The following MAST4 variants were observed in gnomAD, a reference collection of about 807,000 sequenced individuals.
The protein encoded by MAST4 is microtubule-associated serine/threonine-protein kinase 4.
MAST4 carries 89 observed loss-of-function variants against 162.7 expected under a neutral mutation model. That is an observed-to-expected ratio of 0.55 (90% confidence interval 0.46 to 0.65). The LOEUF is 0.65. MAST4 is among the 30% of genes least tolerant of loss of function. MAST4 has a pLI of 0.00. For synonymous variants in MAST4, 1,479 were observed against 1,361.1 expected, an observed-to-expected ratio of 1.09 and a Z score of -1.91; for missense variants, 3,153 against 3,374.0, an observed-to-expected ratio of 0.93 and a Z score of 1.62.
rs370940976 is a variant in MAST4 at position 66,959,278 on chromosome 5, C to T, written c.674+59296C>T. On this transcript the variant is annotated intron_variant, in intron 4 of 28. Transcript: ENST00000403625. The stretch of plus-strand genomic sequence containing the variant: ...AGCCCAGCGGGAAAGGCTACAGATT[C>T]CGGGGCTGACCTTGGAGTAAGTATT... 4 of 779,610 alleles carry T rather than the reference C, an allele frequency of 5.1e-6. No individual in the cohort carries two copies. In the African/African-American group the frequency reaches 6.8e-5, roughly 13 times the overall value. The allele number at this position is 779,610 out of a possible 1,614,324, so 48.3% of individuals were successfully genotyped here. A position where few individuals can be genotyped will look rare whatever the true frequency, so the allele number is the denominator to read the frequency against.
chr5:66,855,756 G>A lies in MAST4; in HGVS notation c.643-44195G>A, dbSNP rs191314959. Among the ~76,000 whole-genome samples the A allele has an allele frequency of 1.6e-4, 24 of 152,306 alleles. No individual in the cohort carries two copies. In the East Asian group the frequency reaches 4.4e-3, roughly 28 times the overall value. The stretch of plus-strand genomic sequence containing the variant: ...GCACCACCAGCTCCTGTGCTCATTG[G>A]TTGATGGTTGTTCTCCCAGGGGAAT... On this transcript the variant is annotated intron_variant, in intron 3 of 28. Coordinates refer to ENST00000403625, the MANE Select transcript of MAST4 (RefSeq NM_001164664.2).
At chr5:66,779,365 C>T (rs1464630166) in intron 2 of MAST4, among the ~76,000 whole-genome samples, 1 of 146,568 alleles carries the variant, frequency 6.8e-6, no homozygotes, top group Non-Finnish European at 1.5e-5. Context: ...CTGCTTTGGA[C>T]TTCCCTTGTG....
intron 4 of MAST4, among the ~76,000 whole-genome samples, chr5:66,912,911 C>T (rs1409260699): frequency 2.6e-5 from 4 of 152,114 alleles, no homozygotes; most frequent in Non-Finnish European, 4.4e-5. Context: ...TTAATATCAT[C>T]TAGGCTGTAT....
intron 3 of MAST4, among the ~76,000 whole-genome samples, chr5:66,844,895 G>T (rs972287203): frequency 1.3e-5 from 2 of 151,612 alleles, no homozygotes; most frequent in Non-Finnish European, 2.9e-5. Flanking sequence ...AGATCCAATA[G>T]ATAAGAAGGA....
At chr5:67,140,016 G>T (rs1770164612) in intron 19 of MAST4, among the ~76,000 whole-genome samples, 1 of 152,244 alleles carries the variant, frequency 6.6e-6, no homozygotes, top group African/African-American at 2.4e-5. Flanking sequence ...AGGATAGCAG[G>T]CAGGGGGTAA....
intron 1 of MAST4, among the ~76,000 whole-genome samples, chr5:66,693,799 CTG>C (rs1490757792): frequency 1.3e-5 from 2 of 149,876 alleles, no homozygotes; most frequent in African/African-American, 4.9e-5. Flanking sequence ...GCAAAAAAAA[CTG>C]TAAGTGTACA....
rs536296805 is a variant in MAST4, at chr5:66,881,781, T to A, written c.643-18170T>A. Among the ~76,000 whole-genome samples, 3 of 152,352 alleles carry A rather than the reference T, an allele frequency of 2.0e-5. No individual in the cohort carries two copies. The East Asian group carries it at 5.8e-4, about 29-fold the overall frequency. On this transcript the variant is annotated intron_variant, in intron 3 of 28. Transcript: ENST00000403625. ...TTGGCTTCTATTTATGAAGAACTACTGAAATTATCCCTTTACCTTTAGGGA... is the reference window on the plus strand; with the variant it reads ...TTGGCTTCTATTTATGAAGAACTACAGAAATTATCCCTTTACCTTTAGGGA...
intron 4 of MAST4, among the ~76,000 whole-genome samples, chr5:67,017,632 C>G (rs531943773): frequency 8.4e-4 from 117 of 139,650 alleles, no homozygotes; most frequent in African/African-American, 2.9e-3. Flanking sequence ...GAGACAGACT[C>G]TCACCCTGTC....
intron 4 of MAST4, among the ~76,000 whole-genome samples, chr5:66,925,387 T>C (rs544531929): frequency 1.3e-5 from 2 of 152,324 alleles, no homozygotes; most frequent in Admixed American, 6.5e-5. Context: ...TTGTTTAGGT[T>C]CAGGAAAGCT....
At chr5:66,773,238 AT>A (rs1754439673) in intron 2 of MAST4, among the ~76,000 whole-genome samples, 3 of 152,364 alleles carry the variant, frequency 2.0e-5, no homozygotes, top group Admixed American at 2.0e-4. Flanking sequence ...TTTCTGATAT[AT>A]TAATGACTTT....
intron 4 of MAST4, among the ~76,000 whole-genome samples, chr5:66,986,271 G>A (rs1349970689): frequency 6.6e-6 from 1 of 152,186 alleles, no homozygotes; most frequent in Non-Finnish European, 1.5e-5. Flanking sequence ...GGGCAAGGAA[G>A]AAGTGTTAAG....
In MAST4 at chr5:66,917,050, C is replaced by T. The variant is rs79632589; in HGVS notation, c.674+17068C>T. 2,708 of 717,648 alleles carry T rather than the reference C, an allele frequency of 3.8e-3. 51 individuals carry two copies. The African/African-American group carries it at 0.04, about 11-fold the overall frequency. The allele number at this position is 717,648 out of a possible 1,614,324, so 44.5% of individuals were successfully genotyped here. ...GTATTTCTAATTTTAATAGCTATCA[C>T]TTTACCCAAAAGAATAGAAAATCAC... On this transcript the variant is annotated intron_variant, in intron 4 of 28. Coordinates refer to ENST00000403625, the MANE Select transcript of MAST4 (RefSeq NM_001164664.2).
At chr5:66,896,401 C>A (rs1021869864) in intron 3 of MAST4, among the ~76,000 whole-genome samples, 1 of 152,098 alleles carries the variant, frequency 6.6e-6, no homozygotes, top group South Asian at 2.1e-4. Flanking sequence ...CTGTGGGTTT[C>A]CCTACTATAA....
chr5:66,633,818 C>G (rs1744934820), intron 1 of MAST4, among the ~76,000 whole-genome samples: 1 of 152,114 alleles, frequency 6.6e-6, no homozygotes. Context: ...TTCAGCCTAC[C>G]AGACAGCTGA....
chr5:66,898,486 TTTCTC>T (rs1164772444), intron 3 of MAST4, among the ~76,000 whole-genome samples: 1 of 129,510 alleles, frequency 7.7e-6, no homozygotes, highest in African/African-American at 2.6e-5. Flanking sequence ...GTCAGAGACT[TTTCTC>T]TTGTCATTAG....
At chr5:67,085,720 C>G (rs1484222560) in intron 5 of MAST4, among the ~76,000 whole-genome samples, 1 of 152,134 alleles carries the variant, frequency 6.6e-6, no homozygotes, top group Non-Finnish European at 1.5e-5. Flanking sequence ...TTTTCTTGGC[C>G]ACTTAGAGTC....
chr5:66,638,558 A>C (rs1745276998), intron 1 of MAST4, among the ~76,000 whole-genome samples: 1 of 152,198 alleles, frequency 6.6e-6, no homozygotes. Context: ...CTAAGCAGAA[A>C]ATTCATTTAT....
chr5:67,005,080 A>G (rs1253427079), intron 4 of MAST4: 1 of 761,748 alleles, frequency 1.3e-6, no homozygotes, highest in East Asian at 2.5e-5. Context: ...TTCGGCGAAC[A>G]CAAAGGTAAA....
chr5:66,946,732 C>T (rs916585533), intron 4 of MAST4, among the ~76,000 whole-genome samples: 1 of 152,128 alleles, frequency 6.6e-6, no homozygotes, highest in African/African-American at 2.4e-5. Flanking sequence ...TCACGTAATG[C>T]TAAAAGTTCA....
Sources: gnomAD v4.1 joint callset for allele counts (sites outside exome capture counted in the v4.1 genomes callset) on GRCh38, gnomAD v4.1.1 for gene constraint, MANE v1.5 for transcripts, NCBI Gene and HGNC (gene_info 2026-07-23, HGNC 2026-07-21) for gene names.